The following ADAM18 variants were observed in gnomAD, a reference collection of about 807,000 sequenced individuals.
The protein encoded by ADAM18 is disintegrin and metalloproteinase domain-containing protein 18.
ADAM18 carries 117 observed loss-of-function variants against 94.4 expected under a neutral mutation model. That is an observed-to-expected ratio of 1.24 (90% CI 1.07 to 1.45). The LOEUF is 1.45. Among genes scored for constraint, ADAM18 ranks in the 40% most tolerant of loss-of-function variants. The probability of loss-of-function intolerance (pLI) is 0.00; values close to 1 mark genes in which losing one functional copy is unlikely to be tolerated. For synonymous variants in ADAM18, 327 were observed against 291.6 expected (o/e 1.12, Z -1.24); for missense variants, 936 against 880.0 (o/e 1.06, Z -0.81).
chr8:39,612,284 G>A lies in ADAM18; in HGVS notation c.522+1578G>A, dbSNP rs113324546. Among the ~76,000 whole-genome samples the A allele has an allele frequency of 6.7e-3, 1,020 of 152,264 alleles. 9 individuals are homozygous for A. Among genetic ancestry groups the A allele is most frequent in the Non-Finnish European group, 0.01 (688 of 68,004 alleles). On this transcript the variant is annotated intron_variant, in intron 6 of 19. Transcript: ENST00000265707. ...TGAGGGTGGGTGGAGGGAGGATGTA[G>A]ACCCTGTGCTGAATGGGGAGGAAGC...
chr8:39,589,413 C>T (rs900640449), intron 2 of ADAM18, among the ~76,000 whole-genome samples: 12 of 152,150 alleles, frequency 7.9e-5, no homozygotes, highest in African/African-American at 2.9e-4. Context: ...TGAGAAGAAC[C>T]ATCTATGCAG....
chr8:39,729,765 C>T, intron 19 of ADAM18, 133 bp from the exon 20 acceptor site: 2 of 671,986 alleles, frequency 3.0e-6, no homozygotes, highest in East Asian at 2.8e-5. Context: ...GATAACCAAA[C>T]TTATCTATAA....
rs1263352958 is a variant in ADAM18, at chr8:39,637,571, C to A, written c.695C>A (p.Ser232Tyr). The A allele has an allele frequency of 6.2e-7, 1 of 1,612,270 alleles. No individual in the cohort carries two copies. The highest frequency in any genetic ancestry group is 1.7e-5 in the Admixed American group (1 of 59,794). ...FTQFKLTVIL[S>Y]SLELWSNENQ... is the part of the protein sequence containing the mutation. The stretch of plus-strand genomic sequence containing the variant: ...CAGTTCAAATTGACTGTTATACTGT[C>A]TTCCTTGGAATTGTGGTCAAATGAA... Residue 232 changes from serine (S) to tyrosine (Y), a missense_variant, in exon 9 of 20, where the codon TCT becomes TAT. By Grantham distance (144) the Ser-to-Tyr change is moderately radical (BLOSUM62 -2). Transcript: ENST00000265707.
chr8:39,696,169 T>G (rs75051060), intron 17 of ADAM18, among the ~76,000 whole-genome samples: 2,988 of 151,610 alleles, frequency 0.02, 237 homozygotes, highest in East Asian at 0.19. Context: ...TTTATTTCCC[T>G]TATTGGCAAT....
At chr8:39,680,379 A>C (rs1821421048) in intron 16 of ADAM18, among the ~76,000 whole-genome samples, 153 bp downstream of exon 16, 1 of 152,220 alleles carries the variant, frequency 6.6e-6, no homozygotes. Flanking sequence ...AATTAAAACA[A>C]GCCTAAGTTA....
At chr8:39,617,962 A>G (rs1389720143) in intron 6 of ADAM18, among the ~76,000 whole-genome samples, 1 of 152,178 alleles carries the variant, frequency 6.6e-6, no homozygotes, top group African/African-American at 2.4e-5. Context: ...CAGCACTTCT[A>G]TCCCTCCAAA....
intron 18 of ADAM18, among the ~76,000 whole-genome samples, chr8:39,714,502 C>G (rs1052772985): frequency 1.1e-4 from 16 of 152,016 alleles, no homozygotes; most frequent in African/African-American, 3.4e-4. Context: ...CAAGACCAAA[C>G]TCTATGTTGT....
intron 2 of ADAM18, among the ~76,000 whole-genome samples, chr8:39,602,061 C>T (rs959123232): frequency 4.6e-5 from 7 of 152,174 alleles, no homozygotes; most frequent in African/African-American, 1.2e-4. Flanking sequence ...TTCGTCTATT[C>T]GTTACTGATG....
chr8:39,601,097 G>T (rs1050750183), intron 2 of ADAM18, among the ~76,000 whole-genome samples: 1 of 152,288 alleles, frequency 6.6e-6, no homozygotes, highest in Admixed American at 6.5e-5. Flanking sequence ...AGGAGGAGAT[G>T]CTGCACACTT....
At chr8:39,666,433 T>G (rs1259615196) in intron 13 of ADAM18, among the ~76,000 whole-genome samples, 3 of 152,206 alleles carry the variant, frequency 2.0e-5, no homozygotes, top group Admixed American at 6.5e-5. Flanking sequence ...GAAAAAGTTG[T>G]TTTTAAATTT....
chr8:39,640,533 G>T (rs1820208164), intron 10 of ADAM18, among the ~76,000 whole-genome samples: 1 of 151,762 alleles, frequency 6.6e-6, no homozygotes, highest in South Asian at 2.1e-4. Flanking sequence ...TATTCCTTTG[G>T]GTATATAGTT....
At chr8:39,689,240 GT>G (rs1265671535) in intron 16 of ADAM18, among the ~76,000 whole-genome samples, 7 of 152,052 alleles carry the variant, frequency 4.6e-5, no homozygotes, top group Admixed American at 4.6e-4. Flanking sequence ...TTTTGCTTTT[GT>G]TGCAATTGCT....
chr8:39,605,517 A>G (rs1335629639), intron 2 of ADAM18, among the ~76,000 whole-genome samples: 2 of 152,110 alleles, frequency 1.3e-5, no homozygotes, highest in Admixed American at 6.6e-5. Flanking sequence ...GACTGCACAT[A>G]TGTATGTATA....
chr8:39,663,756 G>A, intron 12 of ADAM18, 39 bp from the exon 13 acceptor site: 1 of 1,366,436 alleles, frequency 7.3e-7, no homozygotes, highest in East Asian at 2.3e-5. Context: ...GCTTTTAAGT[G>A]GTTAAACTGT....
rs759252137 is a variant in ADAM18, at chr8:39,663,916, C to G, written c.1326+26C>G. On this transcript the variant is annotated intron_variant, in intron 13 of 19. Coordinates refer to ENST00000265707, the MANE Select transcript of ADAM18 (RefSeq NM_014237.3). ...GTAAGTTACTAACATTCATTAAAAG[C>G]AAATTGAACTGTGGTAAGAGACGTC... The G allele has an allele frequency of 2.7e-6, 4 of 1,471,032 alleles. No individual in the cohort carries two copies. The South Asian group carries it at 4.7e-5, about 17-fold the overall frequency. The allele number at this position is 1,471,032 out of a possible 1,614,324, so 91.1% of individuals were successfully genotyped here. A position where few individuals can be genotyped will look rare whatever the true frequency, so the allele number is the denominator to read the frequency against.
At position 39,591,375 on chromosome 8, in the gene ADAM18, A is replaced by G. The variant is rs575069386; in HGVS notation, c.132+6023A>G. On this transcript the variant is annotated intron_variant, in intron 2 of 19. Coordinates refer to ENST00000265707, the MANE Select transcript of ADAM18 (RefSeq NM_014237.3). ...TTTAAAATTGGACTCAATCTTCTCC[A>G]ACCCTGCCACTGCTTTATCAACTAA... Among the ~76,000 whole-genome samples, 9 of 152,336 alleles carry G rather than the reference A, an allele frequency of 5.9e-5. No homozygotes were observed. In the South Asian group the frequency reaches 1.7e-3, roughly 28 times the overall value.
At chr8:39,698,373 T>C (rs1396316093) in intron 17 of ADAM18, among the ~76,000 whole-genome samples, 1 of 152,026 alleles carries the variant, frequency 6.6e-6, no homozygotes, top group African/African-American at 2.4e-5. Context: ...TGGCATATTC[T>C]TTTTATATCC....
chr8:39,721,419 T>C (rs1822743891), intron 18 of ADAM18, among the ~76,000 whole-genome samples: 1 of 151,520 alleles, frequency 6.6e-6, no homozygotes, highest in Non-Finnish European at 1.5e-5. Flanking sequence ...TGGGGCTTCT[T>C]AATTAACCTA....
chr8:39,602,154 C>G (rs924153648), intron 2 of ADAM18, among the ~76,000 whole-genome samples: 1 of 152,108 alleles, frequency 6.6e-6, no homozygotes, highest in Admixed American at 6.5e-5. Context: ...CTTCAAGATA[C>G]TGCTTTGAAT....
Sources: gnomAD v4.1 joint callset for allele counts (sites outside exome capture counted in the v4.1 genomes callset) on GRCh38, gnomAD v4.1.1 for gene constraint, MANE v1.5 for transcripts, NCBI Gene and HGNC (gene_info 2026-07-23, HGNC 2026-07-21) for gene names.